The following SYNPR variants were observed in gnomAD, a reference collection of about 807,000 sequenced individuals.
SYNPR encodes the protein synaptoporin.
SYNPR carries 23 observed loss-of-function variants against 32.9 expected under a neutral mutation model. The observed-to-expected ratio is 0.70, with a 90% CI of 0.50 to 0.99. The LOEUF (loss-of-function observed/expected upper bound fraction) is 0.99, where lower values mean the gene tolerates loss of function less well. Among genes scored for constraint, SYNPR ranks in the 50% least tolerant of loss-of-function variants. The pLI is 0.00. For missense variants in SYNPR, 318 were observed against 349.3 expected, an observed-to-expected ratio of 0.91 and a Z score of 0.71; for synonymous variants, 146 against 135.9, an observed-to-expected ratio of 1.07 and a Z score of -0.52.
chr3:63,528,638 T>G (rs901103166), intron 3 of SYNPR, among the ~76,000 whole-genome samples: 2 of 152,064 alleles, frequency 1.3e-5, no homozygotes, highest in African/African-American at 4.8e-5. Flanking sequence ...GATGCATTTT[T>G]TTTTTACTTA....
At chr3:63,401,251 A>T (rs183299528) in intron 2 of SYNPR, among the ~76,000 whole-genome samples, 1 of 152,242 alleles carries the variant, frequency 6.6e-6, no homozygotes, top group Non-Finnish European at 1.5e-5. Flanking sequence ...ACCCAAAAGG[A>T]TAGCTGAATT....
At chr3:63,278,297 C>A, upstream of SYNPR, 1 of 570,244 alleles carries the variant, frequency 1.8e-6, no homozygotes, top group Non-Finnish European at 3.1e-6. Flanking sequence ...TGCCCCAGCT[C>A]TTCCCTGCCC....
At chr3:63,584,565 T>C (rs1465831927) in intron 4 of SYNPR, among the ~76,000 whole-genome samples, 1 of 151,962 alleles carries the variant, frequency 6.6e-6, no homozygotes, top group Non-Finnish European at 1.5e-5. Flanking sequence ...CTATGTGTAT[T>C]AGGGAGATAC....
intron 2 of SYNPR, among the ~76,000 whole-genome samples, chr3:63,334,558 G>GTGT (rs1491542549): frequency 6.9e-6 from 1 of 144,300 alleles, no homozygotes; most frequent in African/African-American, 2.6e-5. Context: ...GTGTGTGTGT[G>GTGT]GACACACGTG....
chr3:63,311,547 T>C (rs1399821576), intron 2 of SYNPR, among the ~76,000 whole-genome samples: 1 of 151,944 alleles, frequency 6.6e-6, no homozygotes, highest in Non-Finnish European at 1.5e-5. Context: ...CCTGATGATC[T>C]GAGGTGGAAC....
intron 2 of SYNPR, among the ~76,000 whole-genome samples, chr3:63,347,530 A>G (rs2087453081): frequency 6.6e-6 from 1 of 152,194 alleles, no homozygotes; most frequent in Non-Finnish European, 1.5e-5. Flanking sequence ...GTTTTGTTAC[A>G]TGGATATATT....
intron 2 of SYNPR, among the ~76,000 whole-genome samples, chr3:63,387,671 C>T (rs1437945115): frequency 1.3e-5 from 2 of 152,124 alleles, no homozygotes; most frequent in African/African-American, 2.4e-5. Context: ...TCAAGTTGAA[C>T]CACTTAACCA....
chr3:63,554,041 G>T (rs1702552796), intron 3 of SYNPR, among the ~76,000 whole-genome samples: 1 of 152,070 alleles, frequency 6.6e-6, no homozygotes, highest in African/African-American at 2.4e-5. Context: ...TTTTTGAGAA[G>T]TGTCTACATC....
intron 2 of SYNPR, among the ~76,000 whole-genome samples, chr3:63,389,709 T>C (rs1163588696): frequency 1.3e-5 from 2 of 152,194 alleles, no homozygotes; most frequent in African/African-American, 4.8e-5. Context: ...CACCATAAAA[T>C]GGATAAACGA....
chr3:63,239,525 G>C (rs1575572974), intron 1 of SYNPR, among the ~76,000 whole-genome samples: 1 of 52,106 alleles, frequency 1.9e-5, no homozygotes, highest in East Asian at 2.3e-4. Context: ...AGGATATCAG[G>C]TGTGTCAGGC....
chr3:63,502,750 T>A (rs1701507048), intron 3 of SYNPR, among the ~76,000 whole-genome samples: 1 of 152,116 alleles, frequency 6.6e-6, no homozygotes, highest in Admixed American at 6.6e-5. Flanking sequence ...TAGCACTTAA[T>A]AATATTCCAT....
intron 2 of SYNPR, among the ~76,000 whole-genome samples, chr3:63,414,793 C>T (rs1382089632): frequency 6.6e-6 from 1 of 152,178 alleles, no homozygotes; most frequent in Non-Finnish European, 1.5e-5. Context: ...ATATCATTTG[C>T]ACATATAATG....
At chr3:63,343,572 A>C (rs77836957) in intron 2 of SYNPR, among the ~76,000 whole-genome samples, 5,269 of 151,980 alleles carry the variant, frequency 0.035, 125 homozygotes, top group Non-Finnish European at 0.049. Context: ...TTTTTTGTTG[A>C]GCTTCCAACG....
intron 2 of SYNPR, among the ~76,000 whole-genome samples, chr3:63,403,581 C>T (rs969129273): frequency 4.6e-5 from 7 of 152,028 alleles, no homozygotes; most frequent in African/African-American, 1.7e-4. Flanking sequence ...CACAGGAACC[C>T]AGAAGCTAAG....
rs143019071 is a variant in SYNPR at position 63,492,651 on chromosome 3, C to T, written c.209+11695C>T. ...TGAGCTCCCATAGGGAAGTGACAAG[C>T]GGCAGAGATTAAATCATTGTATGCT... On this transcript the variant is annotated intron_variant, in intron 3 of 5. Coordinates refer to ENST00000478300, the MANE Select transcript of SYNPR (RefSeq NM_001130003.2). Among the ~76,000 whole-genome samples, 173 of 152,198 alleles carry T rather than the reference C, an allele frequency of 1.1e-3. 1 individual carries two copies. The highest frequency in any genetic ancestry group is 3.5e-3 in the African/African-American group (144 of 41,528).
At chr3:63,251,994 T>C (rs1028232805) in intron 1 of SYNPR, among the ~76,000 whole-genome samples, 2 of 152,076 alleles carry the variant, frequency 1.3e-5, no homozygotes, top group Non-Finnish European at 2.9e-5. Flanking sequence ...TGAGATAGTC[T>C]CTATCAATTT....
At chr3:63,355,695 A>G (rs2087567552) in intron 2 of SYNPR, among the ~76,000 whole-genome samples, 1 of 149,298 alleles carries the variant, frequency 6.7e-6, no homozygotes, top group Admixed American at 6.7e-5. Context: ...CCAGTGCTTC[A>G]GTACTCTGGC....
intron 2 of SYNPR, among the ~76,000 whole-genome samples, chr3:63,317,522 A>T (rs1455204683): frequency 6.6e-6 from 1 of 151,878 alleles, no homozygotes; most frequent in Admixed American, 6.6e-5. Flanking sequence ...TTTCTTTAGA[A>T]TTTGTTTTGT....
intron 3 of SYNPR, among the ~76,000 whole-genome samples, chr3:63,509,227 G>T: frequency 6.7e-6 from 1 of 148,650 alleles, no homozygotes; most frequent in East Asian, 2.0e-4. Context: ...ATATGTATGG[G>T]TATATCTATA....
Sources: gnomAD v4.1 joint callset for allele counts (sites outside exome capture counted in the v4.1 genomes callset) on GRCh38, gnomAD v4.1.1 for gene constraint, MANE v1.5 for transcripts, NCBI Gene and HGNC (gene_info 2026-07-23, HGNC 2026-07-21) for gene names.